Variants in KIF3C observed in about 807,000 individuals in gnomAD.
The protein encoded by KIF3C is kinesin-like protein KIF3C.
Under a neutral mutation model 67.7 loss-of-function variants are expected in KIF3C, and 12 were observed. The observed-to-expected ratio is 0.18, with a 90% CI of 0.11 to 0.29. KIF3C has a LOEUF of 0.29. Ranked by LOEUF, KIF3C falls within the 10% of genes least tolerant of loss-of-function variation. The pLI is 1.00. For missense variants in KIF3C, 789 were observed against 1,059.6 expected, an observed-to-expected ratio of 0.74 and a Z score of 3.55; for synonymous variants, 393 against 426.2, an observed-to-expected ratio of 0.92 and a Z score of 0.96.
At chr2:25,964,126 G>T (rs1664081030) in intron 1 of KIF3C, among the ~76,000 whole-genome samples, 1 of 152,074 alleles carries the variant, frequency 6.6e-6, no homozygotes, top group Non-Finnish European at 1.5e-5. Flanking sequence ...TGGCCAACAT[G>T]GCAAAATCTC....
chr2:25,977,817 C>T (rs746867827), intron 1 of KIF3C, among the ~76,000 whole-genome samples: 3 of 152,160 alleles, frequency 2.0e-5, no homozygotes, highest in Admixed American at 6.5e-5. Flanking sequence ...TAGAAACATC[C>T]GACACTGAAC....
intron 1 of KIF3C, among the ~76,000 whole-genome samples, chr2:25,962,826 A>ATATATAT (rs1559555136): frequency 3.1e-5 from 2 of 64,506 alleles, no homozygotes; most frequent in African/African-American, 1.7e-4. Context: ...ATAATATATA[A>ATATATAT]AATATATAAA....
chr2:25,948,687 A>G (rs558507409), intron 5 of KIF3C, among the ~76,000 whole-genome samples: 2 of 149,580 alleles, frequency 1.3e-5, no homozygotes, highest in South Asian at 2.2e-4. Flanking sequence ...AGAAAGAAAG[A>G]AAGGAAGGAA....
At chr2:25,971,380 C>T (rs1375060174) in intron 1 of KIF3C, among the ~76,000 whole-genome samples, 3 of 150,170 alleles carry the variant, frequency 2.0e-5, no homozygotes, top group African/African-American at 7.4e-5. Context: ...GCAGAGCTTG[C>T]AGTTAGCTGA....
chr2:25,929,098 G>C (rs945302388), intron 7 of KIF3C, 27 bp from the exon 8 acceptor site: 6 of 1,590,152 alleles, frequency 3.8e-6, no homozygotes, highest in Non-Finnish European at 5.2e-6. Flanking sequence ...GCAGGCGAAA[G>C]GGGAGGTTAG....
intron 4 of KIF3C, among the ~76,000 whole-genome samples, chr2:25,952,232 C>T (rs972023725): frequency 3.9e-5 from 6 of 151,952 alleles, no homozygotes; most frequent in African/African-American, 1.2e-4. Context: ...ACCTGGGAGG[C>T]AGAGCTTGCA....
intron 1 of KIF3C, among the ~76,000 whole-genome samples, chr2:25,969,917 T>C (rs1171248434): frequency 6.6e-6 from 1 of 152,332 alleles, no homozygotes; most frequent in South Asian, 2.1e-4. Flanking sequence ...GGTTTCGCTA[T>C]GTTGGCCAAG....
intron 5 of KIF3C, among the ~76,000 whole-genome samples, chr2:25,936,678 T>C (rs1373108844): frequency 6.6e-6 from 1 of 152,180 alleles, no homozygotes; most frequent in Admixed American, 6.6e-5. Flanking sequence ...TTGCAGGGTA[T>C]GTGGATTTTC....
At chr2:25,964,406 G>A (rs1664090594) in intron 1 of KIF3C, among the ~76,000 whole-genome samples, 1 of 152,136 alleles carries the variant, frequency 6.6e-6, no homozygotes, top group South Asian at 2.1e-4. Context: ...TGGTCTTTGT[G>A]GAGGCCTGAG....
chr2:25,976,096 C>T (rs1664406924), intron 1 of KIF3C, among the ~76,000 whole-genome samples: 1 of 152,162 alleles, frequency 6.6e-6, no homozygotes, highest in East Asian at 1.9e-4. Context: ...TTACTGTTGT[C>T]GCTCAGGCTT....
In KIF3C at chr2:25,980,836, C is replaced by T. The variant is rs780542431; in HGVS notation, c.1082G>A (p.Arg361Gln). 3.7e-6 allele frequency: 6 copies of T among 1,614,194 alleles called. No individual in the cohort carries two copies. The highest frequency in any genetic ancestry group is 2.2e-5 in the South Asian group (2 of 91,084). Reference protein sequence around the residue: ...ESLSTLRFANRAKNIKNKPRV... With the variant: ...ESLSTLRFANQAKNIKNKPRV... Reference sequence around the variant, plus strand: ...GGGCTTGTTCTTGATGTTCTTGGCTCGGTTGGCAAAGCGCAAGGTGGAGAG... The same window carrying T: ...GGGCTTGTTCTTGATGTTCTTGGCTTGGTTGGCAAAGCGCAAGGTGGAGAG... The change falls in exon 1 of 8, where the codon CGA (arginine) becomes CAA (glutamine). Residue 361 changes from arginine (R) to glutamine (Q), a missense_variant. Physicochemically the swap from Arg to Gln is conservative, Grantham distance 43. This residue lies in a region of KIF3C where 648 missense variants were observed against 807.8 expected (regional missense o/e 0.80). Transcript: ENST00000264712. The surrounding 1 kb of genome is among the most constrained non-coding windows in gnomAD (Gnocchi z 7.6).
At position 25,954,356 on chromosome 2, in the gene KIF3C, C is replaced by T. The variant is rs754774028; in HGVS notation, c.1800G>A (p.Ala600=). 1.9e-6 allele frequency: 3 copies of T among 1,613,954 alleles called. No individual in the cohort carries two copies. Among genetic ancestry groups the T allele is most frequent in the South Asian group, 1.1e-5 (1 of 91,084 alleles). Residue 600 remains alanine (A), a synonymous_variant, in exon 4 of 8, where the codon GCG becomes GCA. Coordinates refer to ENST00000264712, the MANE Select transcript of KIF3C (RefSeq NM_002254.8). ...KLYAKLQAVK[A]EIQDQHDEYI... The stretch of plus-strand genomic sequence containing the variant: ...ACTCATCATGCTGGTCCTGGATCTC[C>T]GCCTTCACCGCCTGCAGCTTGGCGT...
rs760627813 is a variant in KIF3C at position 25,956,297 on chromosome 2, C to G, written c.1647+46G>C. 3.6e-6 allele frequency: 5 copies of G among 1,392,348 alleles called. No individual in the cohort carries two copies. In the East Asian group the frequency reaches 1.1e-4, roughly 32 times the overall value. 86.2% of individuals were successfully genotyped at this position (1,392,348 alleles called of 1,614,324 possible). A position where few individuals can be genotyped will look rare whatever the true frequency, so the allele number is the denominator to read the frequency against. ...CGGCCCTGCACCTCCCAGACATGAG[C>G]TGCAGGCCACACTCTCCAAGGGGAC... On this transcript the variant is annotated intron_variant, in intron 2 of 7. Coordinates refer to ENST00000264712, the MANE Select transcript of KIF3C (RefSeq NM_002254.8).
chr2:25,974,669 C>T (rs1664365490), intron 1 of KIF3C, among the ~76,000 whole-genome samples: 1 of 152,022 alleles, frequency 6.6e-6, no homozygotes, highest in Admixed American at 6.6e-5. Context: ...ATAAGGCCAG[C>T]AGAGAGACCA....
chr2:25,955,588 T>C lies in KIF3C; in HGVS notation c.1723A>G (p.Thr575Ala). ...ACCTCCACCTCCTGCTGCAGGGATG[T>C]GTAGGTGCCCCGGAGCTCCATAGTC... The part of the protein sequence containing the change: ...EETMELRGTY[T>A]SLQQEVEVKT... The change falls in exon 3 of 8, where the codon ACA becomes GCA. Residue 575 changes from threonine to alanine, a missense_variant. Transcript: ENST00000264712. This position sits in a 1 kb window ranked among gnomAD's most constrained non-coding sequence, Gnocchi z 5.0. The C allele has an allele frequency of 6.2e-7, 1 of 1,614,122 alleles. No individual in the cohort carries two copies. Among genetic ancestry groups the C allele is most frequent in the Non-Finnish European group, 8.5e-7 (1 of 1,179,988 alleles).
At chr2:25,969,487 TA>T (rs1347506765) in intron 1 of KIF3C, among the ~76,000 whole-genome samples, 2 of 151,424 alleles carry the variant, frequency 1.3e-5, no homozygotes, top group African/African-American at 2.4e-5. Context: ...TTTGAAAAAA[TA>T]AAAAAAAGTC....
Position 25,981,723 on chromosome 2 carries a change from A to G in KIF3C, c.195T>C (p.Asp65=). ...PKTFTFDAVY[D]ASSKQADLYD... is the part of the protein sequence containing the mutation. ...ACAGGTCGGCCTGCTTGGAGCTGGC[A>G]TCATACACGGCGTCAAAGGTGAAGG... Residue 65 remains aspartate (D), a synonymous_variant, in exon 1 of 8, where the codon GAT becomes GAC. Transcript: ENST00000264712. This position sits in a 1 kb window ranked among gnomAD's most constrained non-coding sequence, Gnocchi z 8.2. 1 of 1,613,566 alleles carries G rather than the reference A, an allele frequency of 6.2e-7. No individual in the cohort carries two copies. Among genetic ancestry groups the G allele is most frequent in the Non-Finnish European group, 8.5e-7 (1 of 1,179,638 alleles).
In KIF3C at chr2:25,981,111, C is replaced by T. The variant is rs371697412; in HGVS notation, c.807G>A (p.Ser269=). Residue 269 remains serine, a synonymous_variant, in exon 1 of 8, where the codon TCG becomes TCA. Transcript: ENST00000264712. This position sits in a 1 kb window ranked among gnomAD's most constrained non-coding sequence, Gnocchi z 8.2. ...NTAGGAATPS[S]GGGGGGGGSG... is the part of the protein sequence containing the mutation. The stretch of plus-strand genomic sequence containing the variant: ...TGCCTCCACCGCCACCACCGCCACC[C>T]GAGGATGGTGTGGCTGCCCCTCCCG... The T allele has an allele frequency of 4.3e-6, 7 of 1,614,206 alleles. No individual in the cohort carries two copies. In the South Asian group the frequency reaches 4.4e-5, roughly 10 times the overall value.
rs182678435 is a variant in KIF3C at position 25,932,635 on chromosome 2, C to T, written c.2007-2572G>A. Among the ~76,000 whole-genome samples the T allele has an allele frequency of 3.2e-3, 477 of 149,794 alleles. 2 individuals are homozygous for T. Among genetic ancestry groups the T allele is most frequent in the African/African-American group, 0.011 (450 of 40,820 alleles). On this transcript the variant is annotated intron_variant, in intron 5 of 7. Coordinates refer to ENST00000264712, the MANE Select transcript of KIF3C (RefSeq NM_002254.8). Reference sequence around the variant, plus strand: ...ATCACCTGAGGTCAGGAGTTTGAGACCAGCCTGGCCAACATGGTGAAACCC... The same window carrying T: ...ATCACCTGAGGTCAGGAGTTTGAGATCAGCCTGGCCAACATGGTGAAACCC...
Sources: gnomAD v4.1 joint callset for allele counts (sites outside exome capture counted in the v4.1 genomes callset) on GRCh38, gnomAD v4.1.1 for gene constraint, gnomAD v4.1.1 regional missense constraint, Gnocchi (gnomAD v3.1) non-coding constraint, MANE v1.5 for transcripts, NCBI Gene and HGNC (gene_info 2026-07-23, HGNC 2026-07-21) for gene names.